Variants in SHPK observed in about 807,000 individuals in gnomAD.
SHPK encodes carbohydrate kinase-like protein.
In SHPK, 51 loss-of-function variants were observed where a neutral mutation model predicts 46.3. That is an observed-to-expected ratio of 1.10 (90% CI 0.88 to 1.39). SHPK has a LOEUF of 1.39. SHPK is among the 40% of genes most tolerant of loss of function. The pLI, the probability that SHPK is intolerant of heterozygous loss-of-function variation, is 0.00. For synonymous variants in SHPK, 290 were observed against 273.9 expected (o/e 1.06, Z -0.58); for missense variants, 668 against 641.3 (o/e 1.04, Z -0.45).
intron 4 of SHPK, 117 bp downstream of exon 4, chr17:3,623,222 T>G (rs1013244893): frequency 8.6e-7 from 1 of 1,164,638 alleles, no homozygotes; most frequent in African/African-American, 1.5e-5. Flanking sequence ...ACCCTGATCC[T>G]GGCCTCTGGG....
At chr17:3,626,314 G>C (rs2075436901) in intron 2 of SHPK, among the ~76,000 whole-genome samples, 1 of 152,004 alleles carries the variant, frequency 6.6e-6, no homozygotes, top group South Asian at 2.1e-4. Context: ...GTCAATTATA[G>C]GAAATTTTTC....
intron 1 of SHPK, among the ~76,000 whole-genome samples, chr17:3,635,449 A>C (rs1281193228): frequency 6.6e-6 from 1 of 152,010 alleles, no homozygotes; most frequent in Non-Finnish European, 1.5e-5. Context: ...GTTAGCCAGG[A>C]TGGTCTCGAT....
Position 3,636,133 on chromosome 17 carries a change from T to C in SHPK, c.87A>G (p.Pro29=), listed in dbSNP as rs770866003. ...AGCTCGCCAGCACTGCGAACCCGGA[T>C]GGGTCGTCGGGCGCGGCCCTCAGCA... ...AALLRAAPDD[P]SGFAVLASCA... Residue 29 remains proline (P), a synonymous_variant, in exon 1 of 7, where the codon CCA becomes CCG. Coordinates refer to ENST00000225519, the MANE Select transcript of SHPK (RefSeq NM_013276.4). 1.2e-6 allele frequency: 2 copies of C among 1,611,598 alleles called. No individual in the cohort carries two copies. Among genetic ancestry groups the C allele is most frequent in the East Asian group, 2.2e-5 (1 of 44,778 alleles).
intron 6 of SHPK, among the ~76,000 whole-genome samples, chr17:3,611,596 T>A (rs977638504): frequency 6.6e-6 from 1 of 151,872 alleles, no homozygotes; most frequent in Non-Finnish European, 1.5e-5. Context: ...AAAACTATCA[T>A]CATGGATGTC....
intron 3 of SHPK, among the ~76,000 whole-genome samples, chr17:3,623,800 G>A (rs888322222): frequency 7.2e-5 from 11 of 152,144 alleles, no homozygotes; most frequent in African/African-American, 1.9e-4. Context: ...CGTGACCCTC[G>A]GCAAGTCACT....
intron 5 of SHPK, among the ~76,000 whole-genome samples, chr17:3,618,321 G>C (rs2075379758): frequency 6.6e-6 from 1 of 151,838 alleles, no homozygotes; most frequent in Non-Finnish European, 1.5e-5. Context: ...TGGCCAAGCT[G>C]GTCTTGAACT....
At chr17:3,633,594 C>T (rs527692524) in intron 1 of SHPK, among the ~76,000 whole-genome samples, 174 of 152,190 alleles carry the variant, frequency 1.1e-3, no homozygotes, top group African/African-American at 3.9e-3. Context: ...GACTGGCCTC[C>T]GCTAAGCACT....
chr17:3,632,604 G>C (rs2075479539), intron 1 of SHPK, among the ~76,000 whole-genome samples: 1 of 152,146 alleles, frequency 6.6e-6, no homozygotes, highest in Admixed American at 6.5e-5. Context: ...GTGTGATTGG[G>C]GAGTAGCTCT....
intron 5 of SHPK, among the ~76,000 whole-genome samples, chr17:3,616,770 G>C (rs752841025): frequency 6.6e-6 from 1 of 152,064 alleles, no homozygotes; most frequent in African/African-American, 2.4e-5. Context: ...ACAGAGTTTT[G>C]CTCTGTCACC....
chr17:3,621,160 T>G (rs1251478274), intron 5 of SHPK, 77 bp downstream of exon 5: 6 of 1,252,816 alleles, frequency 4.8e-6, no homozygotes, highest in Non-Finnish European at 6.6e-6. Context: ...CTGTGTGCCC[T>G]GCAGACTCGC....
intron 1 of SHPK, among the ~76,000 whole-genome samples, chr17:3,634,479 C>T (rs1410376005): frequency 6.9e-6 from 1 of 145,570 alleles, no homozygotes; most frequent in Non-Finnish European, 1.5e-5. Flanking sequence ...AACTGAGGCA[C>T]GAAAATCACT....
intron 5 of SHPK, among the ~76,000 whole-genome samples, chr17:3,620,117 CAG>C (rs2075391180): frequency 6.6e-6 from 1 of 152,302 alleles, no homozygotes; most frequent in South Asian, 2.1e-4. Context: ...GCAGTTACAA[CAG>C]AGACGGCATG....
At chr17:3,623,957 G>T in intron 3 of SHPK, 91 bp downstream of exon 3, 1 of 1,287,546 alleles carries the variant, frequency 7.8e-7, no homozygotes, top group Non-Finnish European at 1.1e-6. Context: ...CTGCGGCACA[G>T]CCCAGCAGGC....
rs1597574371 is a variant in SHPK at position 3,624,214 on chromosome 17, C to T, written c.328G>A (p.Gly110Arg). 1 of 1,612,078 alleles carries T rather than the reference C, an allele frequency of 6.2e-7. No individual in the cohort carries two copies. Among genetic ancestry groups the T allele is most frequent in the East Asian group, 2.2e-5 (1 of 44,838 alleles). ...KTGQGCEWTE[G>R]GITPVFEPRA... ...GGCTCGAACACCGGGGTAATCCCTCCCTCTGTCCATTCACAGCCTGGAACA... is the reference window on the plus strand; with the variant it reads ...GGCTCGAACACCGGGGTAATCCCTCTCTCTGTCCATTCACAGCCTGGAACA... The change falls in exon 3 of 7, where the codon GGA (glycine) becomes AGA (arginine). Residue 110 changes from glycine to arginine, a missense_variant. Physicochemically the swap from Gly to Arg is moderately radical, Grantham distance 125 (BLOSUM62 -2). Transcript: ENST00000225519.
At chr17:3,615,900 G>A (rs1166555402) in intron 5 of SHPK, among the ~76,000 whole-genome samples, 1 of 148,270 alleles carries the variant, frequency 6.7e-6, no homozygotes, top group Non-Finnish European at 1.5e-5. Flanking sequence ...TGTCACCCAG[G>A]CTGGAGTGCA....
In SHPK at chr17:3,636,156, G is replaced by A. The variant is rs371281826; in HGVS notation, c.64C>T (p.Leu22=). Residue 22 remains leucine, a synonymous_variant, in exon 1 of 7, where the codon CTG becomes TTG. Coordinates refer to ENST00000225519, the MANE Select transcript of SHPK (RefSeq NM_013276.4). The part of the protein sequence containing the change: ...LGTTSVKAAL[L]RAAPDDPSGF... ...GATGGGTCGTCGGGCGCGGCCCTCAGCAGAGCTGCCTTCACAGATGTGGTG... is the reference window on the plus strand; with the variant it reads ...GATGGGTCGTCGGGCGCGGCCCTCAACAGAGCTGCCTTCACAGATGTGGTG... 1.2e-6 allele frequency: 2 copies of A among 1,612,246 alleles called. No homozygotes were observed. The highest frequency in any genetic ancestry group is 4.5e-5 in the East Asian group (2 of 44,798).
chr17:3,610,707 A>G lies in SHPK; in HGVS notation c.1290T>C (p.Ser430=). Residue 430 remains serine, a synonymous_variant, in exon 7 of 7, where the codon AGT becomes AGC. Transcript: ENST00000225519. ...CGTCATTCCTGGACAGCGCACTCCC[A>G]CTGCCCATCACCCTCTCCACGCCCC... ...QEWGVERVMG[S]GSALSRNDVL... 6.2e-7 allele frequency: 1 copy of G among 1,614,012 alleles called. No homozygotes were observed. Among genetic ancestry groups the G allele is most frequent in the Non-Finnish European group, 8.5e-7 (1 of 1,179,994 alleles).
chr17:3,626,778 T>C (rs1045098092), intron 2 of SHPK, among the ~76,000 whole-genome samples: 8 of 149,914 alleles, frequency 5.3e-5, no homozygotes, highest in Non-Finnish European at 8.9e-5. Context: ...TAGTAACAGT[T>C]ACTTGGGAGG....
At chr17:3,618,975 A>C (rs1223668090) in intron 5 of SHPK, among the ~76,000 whole-genome samples, 1 of 151,748 alleles carries the variant, frequency 6.6e-6, no homozygotes, top group African/African-American at 2.4e-5. Context: ...ACATTTGAGG[A>C]ACTACCAGCT....
Sources: allele counts gnomAD v4.1 joint callset (sites outside exome capture counted in the v4.1 genomes callset), GRCh38; gene constraint gnomAD v4.1.1; transcripts MANE v1.5; gene names NCBI Gene and HGNC (gene_info 2026-07-23, HGNC 2026-07-21).